ADAMTS20: variants seen among roughly 807,000 people sequenced by gnomAD.
The protein encoded by ADAMTS20 is A disintegrin and metalloproteinase with thrombospondin motifs 20.
In ADAMTS20, 225 loss-of-function variants were observed where a neutral mutation model predicts 260.1. The observed-to-expected ratio is 0.87, with a 90% CI of 0.78 to 0.97. The LOEUF is 0.97. Among genes scored for constraint, ADAMTS20 ranks in the 50% least tolerant of loss-of-function variants. The pLI is 0.00. For synonymous variants in ADAMTS20, 802 were observed against 769.5 expected (o/e 1.04, Z -0.70); for missense variants, 2,400 against 2,337.7 (o/e 1.03, Z -0.55).
At chr12:43,453,720 T>C (rs1941911081) in intron 12 of ADAMTS20, among the ~76,000 whole-genome samples, 187 bp downstream of exon 12, 1 of 149,796 alleles carries the variant, frequency 6.7e-6, no homozygotes, top group Non-Finnish European at 1.5e-5. Context: ...TTAATCTATT[T>C]ATGTTTTTTT....
chr12:43,450,701 AACTTAT>A (rs79777893), intron 14 of ADAMTS20, among the ~76,000 whole-genome samples: 20,097 of 152,072 alleles, frequency 0.13, 1,404 homozygotes, highest in Admixed American at 0.22. Flanking sequence ...ATAAGTTCAT[AACTTAT>A]ACTTATATTT....
chr12:43,505,979 G>C (rs1423546181), intron 3 of ADAMTS20, among the ~76,000 whole-genome samples: 1 of 152,116 alleles, frequency 6.6e-6, no homozygotes, highest in African/African-American at 2.4e-5. Flanking sequence ...AGGAAAGAAG[G>C]CATGTGTGGT....
chr12:43,355,640 G>C (rs958191783), intron 38 of ADAMTS20, among the ~76,000 whole-genome samples: 16 of 151,968 alleles, frequency 1.1e-4, no homozygotes, highest in Admixed American at 4.6e-4. Context: ...AGTATACCGG[G>C]GCTGTTGCTG....
chr12:43,447,385 C>CA (rs1417872057), intron 14 of ADAMTS20, among the ~76,000 whole-genome samples: 2 of 152,060 alleles, frequency 1.3e-5, no homozygotes, highest in East Asian at 3.9e-4. Context: ...GAACAAAATA[C>CA]AAAAATCACA....
At chr12:43,374,896 A>G (rs113316092) in intron 36 of ADAMTS20, among the ~76,000 whole-genome samples, 1 of 151,958 alleles carries the variant, frequency 6.6e-6, no homozygotes, top group African/African-American at 2.4e-5. Context: ...CCCAGCTGGG[A>G]GTGGTGGCTC....
intron 31 of ADAMTS20, among the ~76,000 whole-genome samples, chr12:43,378,086 A>C (rs1235812893): frequency 8.5e-5 from 13 of 152,246 alleles, no homozygotes; most frequent in Admixed American, 8.5e-4. Flanking sequence ...GCTTTTAGCA[A>C]AAGAGGAGTA....
chr12:43,376,581 C>G lies in ADAMTS20; in HGVS notation c.5068G>C (p.Asp1690His). The G allele has an allele frequency of 6.2e-7, 1 of 1,613,678 alleles. No individual in the cohort carries two copies. The highest frequency in any genetic ancestry group is 8.5e-7 in the Non-Finnish European group (1 of 1,179,726). ...KCITKHGLSS[D>H]LCLNHLKPGA... ...GGTTTTAAATGGTTTAAACATAAGT[C>G]ACTGGACAAACCATGTTTGGTAATG... Residue 1690 changes from aspartate to histidine, a missense_variant, in exon 33 of 39, where the codon GAC becomes CAC. Coordinates refer to ENST00000389420, the MANE Select transcript of ADAMTS20 (RefSeq NM_025003.5).
chr12:43,408,068 TG>T (rs1940952391), intron 28 of ADAMTS20, among the ~76,000 whole-genome samples: 1 of 152,042 alleles, frequency 6.6e-6, no homozygotes, highest in African/African-American at 2.4e-5. Flanking sequence ...TGGAGAAAAA[TG>T]GTATGGTTAA....
chr12:43,463,241 T>C (rs1289518560), intron 10 of ADAMTS20, among the ~76,000 whole-genome samples: 1 of 152,234 alleles, frequency 6.6e-6, no homozygotes, highest in Non-Finnish European at 1.5e-5. Flanking sequence ...ATAGGAGTTA[T>C]GAATTGGAGT....
Position 43,527,387 on chromosome 12 carries a change from A to G in ADAMTS20, c.613+4649T>C, listed in dbSNP as rs116549463. On this transcript the variant is annotated intron_variant, in intron 3 of 38. Transcript: ENST00000389420. ...TACCAAAACCAGGAAATGACATAAC[A>G]AAAAAAGAAAACACAGACCAATATC... Among the ~76,000 whole-genome samples the G allele has an allele frequency of 3.7e-3, 565 of 152,228 alleles. 5 individuals carry two copies. Among genetic ancestry groups the G allele is most frequent in the African/African-American group, 0.013 (537 of 41,552 alleles).
At chr12:43,510,999 C>A (rs1942916909) in intron 3 of ADAMTS20, among the ~76,000 whole-genome samples, 1 of 151,978 alleles carries the variant, frequency 6.6e-6, no homozygotes, top group South Asian at 2.1e-4. Flanking sequence ...TCTCCCGATA[C>A]CTATAACTGA....
intron 23 of ADAMTS20, 48 bp from the exon 24 acceptor site, chr12:43,429,772 T>A: frequency 8.1e-7 from 1 of 1,238,150 alleles, no homozygotes; most frequent in Middle Eastern, 1.9e-4. Context: ...TAATGACTGA[T>A]TTATACAAAA....
At chr12:43,380,716 A>G (rs1027670131) in intron 31 of ADAMTS20, among the ~76,000 whole-genome samples, 1 of 152,226 alleles carries the variant, frequency 6.6e-6, no homozygotes, top group African/African-American at 2.4e-5. Flanking sequence ...TTTGCACACT[A>G]TAAGACACAC....
chr12:43,486,670 C>T (rs566686258), intron 7 of ADAMTS20, among the ~76,000 whole-genome samples: 11 of 152,146 alleles, frequency 7.2e-5, no homozygotes, highest in Non-Finnish European at 1.2e-4. Flanking sequence ...TATTTGCAAA[C>T]GATGCATGTG....
At chr12:43,469,248 TTATAA>T in intron 7 of ADAMTS20, among the ~76,000 whole-genome samples, 1 of 152,206 alleles carries the variant, frequency 6.6e-6, no homozygotes, top group South Asian at 2.1e-4. Context: ...TAAAACGAGT[TTATAA>T]TATAAGAATT....
intron 14 of ADAMTS20, 132 bp downstream of exon 14, chr12:43,452,142 C>A (rs773808625): frequency 2.3e-5 from 21 of 932,202 alleles, no homozygotes; most frequent in Non-Finnish European, 3.2e-5. Flanking sequence ...AGCATGATAA[C>A]AAAGGTTGCT....
intron 14 of ADAMTS20, among the ~76,000 whole-genome samples, chr12:43,450,972 T>TAC (rs1307891288): frequency 6.6e-6 from 1 of 152,172 alleles, no homozygotes; most frequent in African/African-American, 2.4e-5. Context: ...AAGAGATATC[T>TAC]ACACTCCCAT....
intron 28 of ADAMTS20, among the ~76,000 whole-genome samples, chr12:43,411,801 C>T (rs1043743810): frequency 5.3e-5 from 8 of 152,248 alleles, no homozygotes; most frequent in African/African-American, 1.9e-4. Context: ...CTGTAAGAAA[C>T]TGAGTTTTAT....
chr12:43,549,658 A>T (rs1943486909), intron 2 of ADAMTS20, among the ~76,000 whole-genome samples: 1 of 152,126 alleles, frequency 6.6e-6, no homozygotes, highest in East Asian at 1.9e-4. Flanking sequence ...TAGAAGGAGA[A>T]TTTTTTATCC....
Sources: gnomAD v4.1 joint callset for allele counts (sites outside exome capture counted in the v4.1 genomes callset) on GRCh38, gnomAD v4.1.1 for gene constraint, MANE v1.5 for transcripts, NCBI Gene and HGNC (gene_info 2026-07-23, HGNC 2026-07-21) for gene names.